Variants in TNIP1 observed in about 807,000 individuals in gnomAD.
TNIP1 encodes TNFAIP3 interacting protein 1.
Under a neutral mutation model 86.6 loss-of-function variants are expected in TNIP1, and 22 were observed. The observed-to-expected ratio is 0.25, with a 90% CI of 0.18 to 0.36. The LOEUF (loss-of-function observed/expected upper bound fraction) is 0.36. Ranked by LOEUF, TNIP1 falls within the 10% of genes least tolerant of loss-of-function variation. TNIP1 has a pLI of 1.00. For synonymous variants in TNIP1, 294 were observed against 313.0 expected, an observed-to-expected ratio of 0.94 and a Z score of 0.64; for missense variants, 709 against 820.6, an observed-to-expected ratio of 0.86 and a Z score of 1.66.
chr5:151,059,864 TGTGCGCGCGCGC>T (rs780578607), intron 5 of TNIP1, among the ~76,000 whole-genome samples: 7,947 of 97,604 alleles, frequency 0.081, 698 homozygotes, highest in East Asian at 0.37. Flanking sequence ...TGTGTGTGTG[TGTGCGCGCGCGC>T]GCGCGCATGC....
chr5:151,064,267 G>C (rs1761965004), intron 2 of TNIP1, among the ~76,000 whole-genome samples: 1 of 152,224 alleles, frequency 6.6e-6, no homozygotes, highest in African/African-American at 2.4e-5. Flanking sequence ...CAAGCAAGGA[G>C]AAAGCATTTT....
intron 17 of TNIP1, chr5:151,032,072 C>T: frequency 1.8e-6 from 1 of 571,334 alleles, no homozygotes; most frequent in East Asian, 2.9e-5. Flanking sequence ...GCACCTAGCA[C>T]AATGCCTGGC....
At position 151,036,866 on chromosome 5, in the gene TNIP1, A is replaced by C. The variant is rs779668376; in HGVS notation, c.1319T>G (p.Phe440Cys). 1 of 1,613,294 alleles carries C rather than the reference A, an allele frequency of 6.2e-7. No individual in the cohort carries two copies. ...GGCCCCTGCTCCTTCTGGGCTCCCA[A>C]ATGCTGTTGGTGGAGATGATGGCGG... ...QTPPSSPPTA[F>C]GSPEGAGALL... Residue 440 changes from phenylalanine (F) to cysteine (C), a missense_variant, in exon 13 of 18, where the codon TTT (phenylalanine) becomes TGT (cysteine). By Grantham distance (205) the Phe-to-Cys change is radical. Transcript: ENST00000521591.
chr5:151,049,627 C>T lies in TNIP1; in HGVS notation c.846+197G>A, dbSNP rs886235579. On this transcript the variant is annotated intron_variant, in intron 8 of 17. Coordinates refer to ENST00000521591, the MANE Select transcript of TNIP1 (RefSeq NM_006058.5). ...AGGAGAAGAGAAGGCTTATGAGGCCCATGAAGCCACAGTGACTACCAGCAG... is the reference window on the plus strand; with the variant it reads ...AGGAGAAGAGAAGGCTTATGAGGCCTATGAAGCCACAGTGACTACCAGCAG... Among the ~76,000 whole-genome samples the T allele has an allele frequency of 6.6e-5, 10 of 152,120 alleles. No homozygotes were observed. The East Asian group carries it at 1.3e-3, about 20-fold the overall frequency.
chr5:151,056,205 T>C (rs1760636953), intron 6 of TNIP1, among the ~76,000 whole-genome samples: 1 of 152,216 alleles, frequency 6.6e-6, no homozygotes, highest in Admixed American at 6.5e-5. Context: ...AGGTCTGGCC[T>C]GGCCTAGCAA....
chr5:151,083,015 C>A (rs62383766), upstream of TNIP1, among the ~76,000 whole-genome samples: 21,674 of 152,152 alleles, frequency 0.14, 2,191 homozygotes, highest in East Asian at 0.5. Context: ...CAACCAGGGC[C>A]TTGGAATCCA....
chr5:151,050,753 C>A (rs1240690792), intron 7 of TNIP1, among the ~76,000 whole-genome samples: 2 of 151,988 alleles, frequency 1.3e-5, no homozygotes, highest in Admixed American at 1.3e-4. Context: ...CCCACCTCAG[C>A]CACCCCCAAC....
chr5:151,047,569 G>A (rs1581786134), intron 8 of TNIP1, among the ~76,000 whole-genome samples: 1 of 152,314 alleles, frequency 6.6e-6, no homozygotes, highest in African/African-American at 2.4e-5. Context: ...TTAATTCCTA[G>A]TTTTGATCAT....
rs1190714275 is a variant in TNIP1, at chr5:151,032,352, C to T, written c.1811G>A (p.Gly604Glu). Residue 604 changes from glycine to glutamate, a missense_variant, in exon 17 of 18, where the codon GGG (glycine) becomes GAG (glutamate). Physicochemically the swap from Gly to Glu is moderately conservative, Grantham distance 98. Coordinates refer to ENST00000521591, the MANE Select transcript of TNIP1 (RefSeq NM_006058.5). ...PEYTWRLPCGGVRNPNQSSQV... is the reference protein window; with the variant it reads ...PEYTWRLPCGEVRNPNQSSQV... ...GGAGCTCTGATTTGGATTTCGAACCCCTCCACAGGGTAGACGCCAGGTGTA... is the reference window on the plus strand; with the variant it reads ...GGAGCTCTGATTTGGATTTCGAACCTCTCCACAGGGTAGACGCCAGGTGTA... The T allele has an allele frequency of 1.2e-6, 2 of 1,614,108 alleles. No individual in the cohort carries two copies. The highest frequency in any genetic ancestry group is 1.7e-6 in the Non-Finnish European group (2 of 1,180,010).
At chr5:151,051,457 A>T (rs1268935608) in intron 7 of TNIP1, among the ~76,000 whole-genome samples, 1 of 152,162 alleles carries the variant, frequency 6.6e-6, no homozygotes, top group Non-Finnish European at 1.5e-5. Flanking sequence ...GAGAGCAAGG[A>T]GGCCCAAGTT....
chr5:151,040,601 A>G (rs1341737789), intron 11 of TNIP1, among the ~76,000 whole-genome samples: 1 of 152,188 alleles, frequency 6.6e-6, no homozygotes, highest in Non-Finnish European at 1.5e-5. Flanking sequence ...CACTGTGAGC[A>G]AGGGAGAGGG....
At chr5:151,049,753 A>G in intron 8 of TNIP1, 71 bp downstream of exon 8, 1 of 1,571,724 alleles carries the variant, frequency 6.4e-7, no homozygotes, top group Non-Finnish European at 8.7e-7. Flanking sequence ...GCTCACTGTC[A>G]CTGGAGGTGG....
chr5:151,032,410 C>A, intron 16 of TNIP1, 27 bp from the exon 17 acceptor site: 1 of 1,608,946 alleles, frequency 6.2e-7, no homozygotes, highest in South Asian at 1.1e-5. Context: ...GCTTAATAAT[C>A]AATAATCACA....
At chr5:151,037,614 C>A (rs1757880919) in intron 12 of TNIP1, among the ~76,000 whole-genome samples, 1 of 152,204 alleles carries the variant, frequency 6.6e-6, no homozygotes, top group Admixed American at 6.5e-5. Context: ...ATTATATAAA[C>A]AGTGTGCCCA....
At chr5:151,057,761 TTTC>T (rs1482903972) in intron 5 of TNIP1, among the ~76,000 whole-genome samples, 1 of 152,208 alleles carries the variant, frequency 6.6e-6, no homozygotes, top group African/African-American at 2.4e-5. Flanking sequence ...ACAGAATTTT[TTTC>T]TTGTCATTAT....
chr5:151,068,197 G>C (rs1762459073), intron 1 of TNIP1, among the ~76,000 whole-genome samples: 1 of 152,200 alleles, frequency 6.6e-6, no homozygotes, highest in African/African-American at 2.4e-5. Flanking sequence ...TGGAGGGCCT[G>C]GACTTCTGGA....
At position 151,063,622 on chromosome 5, in the gene TNIP1, C is replaced by G. The variant is rs1413552383; in HGVS notation, c.262G>C (p.Glu88Gln). The G allele has an allele frequency of 1.2e-6, 2 of 1,613,950 alleles. No homozygotes were observed. The highest frequency in any genetic ancestry group is 2.7e-5 in the African/African-American group (2 of 74,906). Residue 88 changes from glutamate to glutamine, a missense_variant, in exon 3 of 18, where the codon GAG becomes CAG. Physicochemically the swap from Glu to Gln is conservative, Grantham distance 29. Transcript: ENST00000521591. ...PSLGSFDPLA[E>Q]LTGKDSNVTA... The stretch of plus-strand genomic sequence containing the variant: ...CAGACTCCTCTTATACCTGTGAGCT[C>G]AGCCAGGGGGTCGAAGGAGCCCAAG...
At chr5:151,061,628 T>C (rs1429727859) in intron 4 of TNIP1, among the ~76,000 whole-genome samples, 1 of 152,088 alleles carries the variant, frequency 6.6e-6, no homozygotes, top group African/African-American at 2.4e-5. Flanking sequence ...ACCACAGACA[T>C]ACACCATCAC....
Position 151,039,108 on chromosome 5 carries a change from G to A in TNIP1, c.1252C>T (p.Arg418Trp), listed in dbSNP as rs552065012. Residue 418 changes from arginine (R) to tryptophan (W), a missense_variant, in exon 12 of 18, where the codon CGG becomes TGG. Physicochemically the swap from Arg to Trp is moderately radical, Grantham distance 101 (BLOSUM62 -3). Coordinates refer to ENST00000521591, the MANE Select transcript of TNIP1 (RefSeq NM_006058.5). ...QREYQEKEIQRLNKALEEALS... is the reference protein window; with the variant it reads ...QREYQEKEIQWLNKALEEALS... ...GCCAAGGCACCCACCTTGTTGAGCC[G>A]CTGGATCTCCTTTTCCTGGTACTCA... 15 of 1,613,312 alleles carry A rather than the reference G, an allele frequency of 9.3e-6. No individual in the cohort carries two copies. The highest frequency in any genetic ancestry group is 6.6e-5 in the South Asian group (6 of 91,026).
Sources: gnomAD v4.1 joint callset for allele counts (sites outside exome capture counted in the v4.1 genomes callset) on GRCh38, gnomAD v4.1.1 for gene constraint, MANE v1.5 for transcripts, NCBI Gene and HGNC (gene_info 2026-07-23, HGNC 2026-07-21) for gene names.